The following TMEM74 variants were observed in gnomAD, a reference collection of about 807,000 sequenced individuals.
The protein encoded by TMEM74 is transmembrane protein 74.
A neutral mutation model predicts 18.1 loss-of-function variants in TMEM74; 13 were observed. That is an observed-to-expected ratio of 0.72 (90% CI 0.47 to 1.14). TMEM74 has a LOEUF of 1.14. Ranked by LOEUF, TMEM74 falls within the 50% of genes most tolerant of loss-of-function variation. The probability of loss-of-function intolerance (pLI) is 0.00; values close to 1 mark genes in which losing one functional copy is unlikely to be tolerated. For synonymous variants in TMEM74, 159 were observed against 146.6 expected, an observed-to-expected ratio of 1.08 and a Z score of -0.61; for missense variants, 372 against 375.9, an observed-to-expected ratio of 0.99 and a Z score of 0.09.
intron 1 of TMEM74, among the ~76,000 whole-genome samples, chr8:108,730,994 T>C (rs1263081888): frequency 6.6e-6 from 1 of 152,194 alleles, no homozygotes; most frequent in Admixed American, 6.5e-5. Flanking sequence ...TTGACCCTAA[T>C]TAATGGTGGG....
At chr8:108,613,635 T>A (rs1194093956) in intron 2 of TMEM74, among the ~76,000 whole-genome samples, 1 of 152,192 alleles carries the variant, frequency 6.6e-6, no homozygotes, top group Admixed American at 6.5e-5. Flanking sequence ...TTAGACCACG[T>A]TGTTTCCCTT....
intron 1 of TMEM74, among the ~76,000 whole-genome samples, chr8:108,731,050 C>A (rs1813690117): frequency 2.0e-5 from 3 of 152,122 alleles, no homozygotes; most frequent in Non-Finnish European, 2.9e-5. Flanking sequence ...ACACCTTACC[C>A]TGCTTTCTTT....
intron 1 of TMEM74, among the ~76,000 whole-genome samples, chr8:108,750,096 T>G (rs1360788791): frequency 6.6e-6 from 1 of 152,032 alleles, no homozygotes; most frequent in African/African-American, 2.4e-5. Context: ...CCTAAACTGC[T>G]CCAAGGGAAA....
At chr8:108,752,120 A>G (rs1466783826) in intron 1 of TMEM74, among the ~76,000 whole-genome samples, 1 of 152,108 alleles carries the variant, frequency 6.6e-6, no homozygotes, top group Non-Finnish European at 1.5e-5. Flanking sequence ...TCACTTCTAA[A>G]TGATGAAAAG....
rs1170531516 is a variant in TMEM74 at position 108,784,423 on chromosome 8, C to A, written c.676G>T (p.Ala226Ser). Residue 226 changes from alanine (A) to serine (S), a missense_variant, in exon 2 of 2, where the codon GCT becomes TCT. Physicochemically the swap from Ala to Ser is moderately conservative, Grantham distance 99. Transcript: ENST00000297459. Reference sequence around the variant, plus strand: ...GCAATCACACAGCGGTCCAGGTGAGCCCCCAGCCTCGCACTCTCCTTCTCC... The same window carrying A: ...GCAATCACACAGCGGTCCAGGTGAGACCCCAGCCTCGCACTCTCCTTCTCC... The part of the protein sequence containing the change: ...RLEKESARLG[A>S]HLDRCVIAGL... The A allele has an allele frequency of 9.9e-6, 16 of 1,614,090 alleles. No individual in the cohort carries two copies. The highest frequency in any genetic ancestry group is 1.3e-5 in the Non-Finnish European group (15 of 1,180,014).
chr8:108,666,525 C>CA (rs1249153533), intron 1 of TMEM74, among the ~76,000 whole-genome samples: 1 of 152,118 alleles, frequency 6.6e-6, no homozygotes, highest in Non-Finnish European at 1.5e-5. Context: ...AGCTTATGGA[C>CA]AAAGGAGTGG....
chr8:108,746,502 GTTTA>G (rs1375786215), intron 1 of TMEM74, among the ~76,000 whole-genome samples: 1 of 152,014 alleles, frequency 6.6e-6, no homozygotes, highest in Non-Finnish European at 1.5e-5. Flanking sequence ...AATGGTATTT[GTTTA>G]TTTATGCCTG....
intron 1 of TMEM74, among the ~76,000 whole-genome samples, chr8:108,664,753 C>G (rs1178014990): frequency 6.6e-6 from 1 of 151,968 alleles, no homozygotes; most frequent in Non-Finnish European, 1.5e-5. Flanking sequence ...CCCCATATAA[C>G]CTAGAAGAAA....
At chr8:108,656,382 C>T (rs1247317776) in intron 1 of TMEM74, among the ~76,000 whole-genome samples, 1 of 152,162 alleles carries the variant, frequency 6.6e-6, no homozygotes, top group Non-Finnish European at 1.5e-5. Context: ...CTTTGATCTT[C>T]ATCTGGCTCA....
intron 1 of TMEM74, among the ~76,000 whole-genome samples, chr8:108,740,034 A>T (rs1291518370): frequency 6.6e-6 from 1 of 152,108 alleles, no homozygotes; most frequent in Non-Finnish European, 1.5e-5. Flanking sequence ...CAGGTGCATG[A>T]TCTACAGCTG....
chr8:108,712,717 G>A (rs1021400421), intron 1 of TMEM74, among the ~76,000 whole-genome samples: 2 of 152,130 alleles, frequency 1.3e-5, no homozygotes, highest in African/African-American at 4.8e-5. Flanking sequence ...CTATATATGT[G>A]TGTGCGTGTG....
intron 1 of TMEM74, among the ~76,000 whole-genome samples, chr8:108,767,959 G>A (rs926214518): frequency 1.3e-5 from 2 of 151,888 alleles, no homozygotes; most frequent in African/African-American, 4.8e-5. Flanking sequence ...GCTTCCACAT[G>A]TATTTGTAAA....
Position 108,677,414 on chromosome 8 carries a change from G to A in TMEM74, n.120-21977C>T, listed in dbSNP as rs118183749. Among the ~76,000 whole-genome samples, 1,090 of 152,080 alleles carry A rather than the reference G, an allele frequency of 7.2e-3. 3 individuals are homozygous for A. Among genetic ancestry groups the A allele is most frequent in the Non-Finnish European group, 0.01 (713 of 68,004 alleles). ...CATTAACATATAAAATGTATTATACGTATCAGTGAGCTAGAAGTATGTTAG... is the reference window on the plus strand; with the variant it reads ...CATTAACATATAAAATGTATTATACATATCAGTGAGCTAGAAGTATGTTAG... On this transcript the variant is annotated intron_variant and non_coding_transcript_variant, in intron 1 of 3. Transcript: ENST00000518838.
chr8:108,662,303 C>A (rs1228451524), intron 1 of TMEM74, among the ~76,000 whole-genome samples: 1 of 151,620 alleles, frequency 6.6e-6, no homozygotes, highest in Non-Finnish European at 1.5e-5. Context: ...GGTAGGGACA[C>A]CTAGAGAGAA....
chr8:108,682,715 G>T (rs1202001271), intron 1 of TMEM74, among the ~76,000 whole-genome samples: 1 of 151,950 alleles, frequency 6.6e-6, no homozygotes, highest in African/African-American at 2.4e-5. Flanking sequence ...TAATTTTAAT[G>T]ATTGCTTAAA....
chr8:108,690,684 T>C (rs1387635096), intron 1 of TMEM74, among the ~76,000 whole-genome samples: 1 of 151,982 alleles, frequency 6.6e-6, no homozygotes, highest in Non-Finnish European at 1.5e-5. Context: ...TAGCCGGGCA[T>C]GGTGGCAGGC....
chr8:108,673,823 A>G (rs1393685147), intron 1 of TMEM74, among the ~76,000 whole-genome samples: 1 of 152,208 alleles, frequency 6.6e-6, no homozygotes, highest in Non-Finnish European at 1.5e-5. Flanking sequence ...TTCTCTGGCC[A>G]GTTCTGCTGT....
chr8:108,700,130 GGTGTGT>G (rs3049748), intron 1 of TMEM74, among the ~76,000 whole-genome samples: 57 of 143,166 alleles, frequency 4.0e-4, no homozygotes, highest in African/African-American at 2.9e-4. Context: ...GGCCATAAAT[GGTGTGT>G]GTGTGTGTGT....
chr8:108,706,433 C>T (rs1381253486), intron 1 of TMEM74, among the ~76,000 whole-genome samples: 1 of 152,056 alleles, frequency 6.6e-6, no homozygotes, highest in Non-Finnish European at 1.5e-5. Context: ...AATGCTCTTC[C>T]CTGCATATCT....
Sources: allele counts gnomAD v4.1 joint callset (sites outside exome capture counted in the v4.1 genomes callset), GRCh38; gene constraint gnomAD v4.1.1; transcripts MANE v1.5; gene names NCBI Gene and HGNC (gene_info 2026-07-23, HGNC 2026-07-21).